Variants in AFF3 observed in about 807,000 individuals in gnomAD.
The protein encoded by AFF3 is AF4/FMR2 family member 3.
In AFF3, 32 loss-of-function variants were observed where a neutral mutation model predicts 129.7. The ratio of observed to expected loss-of-function variants is 0.25; its 90% CI spans 0.19 to 0.33. The LOEUF is 0.33. AFF3 is among the 10% of genes least tolerant of loss of function. The pLI is 1.00. For synonymous variants in AFF3, 644 were observed against 635.4 expected (o/e 1.01, Z -0.20); for missense variants, 1,373 against 1,592.0 (o/e 0.86, Z 2.34).
At chr2:99,986,943 T>A (rs1475472097) in intron 7 of AFF3, among the ~76,000 whole-genome samples, 4 of 152,142 alleles carry the variant, frequency 2.6e-5, no homozygotes, top group Non-Finnish European at 5.9e-5. Flanking sequence ...ATGAGGGTGG[T>A]GATAAAACAT....
At chr2:99,619,576 C>T (rs1472981728) in intron 13 of AFF3, among the ~76,000 whole-genome samples, 1 of 152,224 alleles carries the variant, frequency 6.6e-6, no homozygotes, top group Non-Finnish European at 1.5e-5. Context: ...AGTGAAAACA[C>T]AGTAAGAACA....
intron 4 of AFF3, among the ~76,000 whole-genome samples, chr2:100,021,259 C>T (rs1224373792): frequency 6.6e-6 from 1 of 152,224 alleles, no homozygotes; most frequent in Non-Finnish European, 1.5e-5. Flanking sequence ...CATCTAGTTT[C>T]TATCAAACTG....
rs182766766 is a variant in AFF3 at position 100,086,530 on chromosome 2, G to A, written c.53+17872C>T. On this transcript the variant is annotated intron_variant, in intron 4 of 24. Coordinates refer to ENST00000672756, the MANE Select transcript of AFF3 (RefSeq NM_001386135.1). Reference sequence around the variant, plus strand: ...GTGAGACTCCATCTCAAAAAAGAGAGAGAGAAAAGAAAAAAGAATTCCCAT... The same window carrying A: ...GTGAGACTCCATCTCAAAAAAGAGAAAGAGAAAAGAAAAAAGAATTCCCAT... Among the ~76,000 whole-genome samples the A allele has an allele frequency of 5.4e-3, 825 of 152,276 alleles. 1 individual carries two copies. The highest frequency in any genetic ancestry group is 0.01 in the Middle Eastern group (3 of 294).
intron 7 of AFF3, among the ~76,000 whole-genome samples, chr2:99,940,116 C>A (rs1011753391): frequency 3.3e-5 from 5 of 152,188 alleles, no homozygotes; most frequent in Admixed American, 2.6e-4. Flanking sequence ...AGTCAGGACA[C>A]CTGATGCTCC....
intron 4 of AFF3, among the ~76,000 whole-genome samples, chr2:100,032,272 A>C (rs1684556767): frequency 1.3e-5 from 2 of 152,102 alleles, no homozygotes; most frequent in Non-Finnish European, 2.9e-5. Context: ...CTAAAAATAC[A>C]AAACAAATTA....
intron 4 of AFF3, among the ~76,000 whole-genome samples, chr2:100,085,425 A>G (rs1433486735): frequency 2.0e-5 from 3 of 151,970 alleles, no homozygotes; most frequent in Non-Finnish European, 4.4e-5. Flanking sequence ...CCCTTTATGC[A>G]ACATCATTTC....
rs955585028 is a variant in AFF3, at chr2:99,996,538, T to C, written c.873+10094A>G. 5.0e-4 allele frequency among the ~76,000 whole-genome samples: 54 copies of C among 107,642 alleles called. 1 individual carries two copies. Among genetic ancestry groups the C allele is most frequent in the African/African-American group, 1.4e-3 (50 of 34,902 alleles). The allele number at this position is 107,642 out of a possible 152,430, so 70.6% of individuals were successfully genotyped here. On this transcript the variant is annotated intron_variant, in intron 7 of 24. Coordinates refer to ENST00000672756, the MANE Select transcript of AFF3 (RefSeq NM_001386135.1). The stretch of plus-strand genomic sequence containing the variant: ...ACCACGCCCGGCTAATTTTTTTTTT[T>C]TTTTTTTTTTTTTTTGTATTTTTAG...
chr2:100,133,058 G>A (rs1339176639), intron 1 of AFF3, among the ~76,000 whole-genome samples: 4 of 151,492 alleles, frequency 2.6e-5, no homozygotes, highest in Admixed American at 6.6e-5. Flanking sequence ...CCTCCCAACA[G>A]CTGGGATTAC....
At chr2:99,888,572 TG>T (rs1354210506) in intron 7 of AFF3, among the ~76,000 whole-genome samples, 1 of 152,242 alleles carries the variant, frequency 6.6e-6, no homozygotes, top group Non-Finnish European at 1.5e-5. Context: ...ATGCAGTTTT[TG>T]AAACTCACCA....
chr2:99,998,271 T>C (rs554123814), intron 7 of AFF3, among the ~76,000 whole-genome samples: 1 of 151,798 alleles, frequency 6.6e-6, no homozygotes, highest in African/African-American at 2.4e-5. Context: ...TATAGATGGG[T>C]TGATTTGTTC....
chr2:99,897,913 A>T (rs770896781), intron 7 of AFF3, among the ~76,000 whole-genome samples: 71 of 152,250 alleles, frequency 4.7e-4, no homozygotes, highest in Non-Finnish European at 3.1e-4. Flanking sequence ...GCAAAATTAT[A>T]ATCTGCCAGT....
At chr2:99,888,872 T>A (rs1015023402) in intron 7 of AFF3, among the ~76,000 whole-genome samples, 1 of 152,196 alleles carries the variant, frequency 6.6e-6, no homozygotes, top group African/African-American at 2.4e-5. Context: ...ACAGCACCAT[T>A]TTTTATCCTC....
Position 100,016,550 on chromosome 2 carries a change from G to A in AFF3, c.54-7618C>T, listed in dbSNP as rs369125249. ...TAGTGGTGGTGATGGTGGTAGCGAT[G>A]GTGATAGTATTGGTGGTGAACATGT... On this transcript the variant is annotated intron_variant, in intron 4 of 24. Coordinates refer to ENST00000672756, the MANE Select transcript of AFF3 (RefSeq NM_001386135.1). Among the ~76,000 whole-genome samples, 381 of 150,832 alleles carry A rather than the reference G, an allele frequency of 2.5e-3. 1 individual carries two copies. The highest frequency in any genetic ancestry group is 0.02 in the Middle Eastern group (6 of 294).
chr2:100,067,161 G>C (rs1293153219), intron 4 of AFF3, among the ~76,000 whole-genome samples: 1 of 143,294 alleles, frequency 7.0e-6, no homozygotes, highest in Non-Finnish European at 1.5e-5. Flanking sequence ...TTTAAGATCT[G>C]TTCATGCTTC....
intron 8 of AFF3, among the ~76,000 whole-genome samples, chr2:99,765,484 C>T (rs540299992): frequency 2.1e-4 from 32 of 152,288 alleles, no homozygotes; most frequent in Admixed American, 1.9e-3. Flanking sequence ...TTTGGCCTTG[C>T]CATAAACCAG....
intron 19 of AFF3, among the ~76,000 whole-genome samples, chr2:99,568,430 GA>G (rs1458958970): frequency 2.0e-5 from 3 of 152,320 alleles, no homozygotes; most frequent in South Asian, 4.1e-4. Flanking sequence ...CAGTTTCAGA[GA>G]AAGCATTCAT....
At chr2:99,805,155 A>G (rs530287092) in intron 8 of AFF3, among the ~76,000 whole-genome samples, 14 of 152,348 alleles carry the variant, frequency 9.2e-5, no homozygotes, top group Non-Finnish European at 1.8e-4. Flanking sequence ...TGACTAGTAC[A>G]AAAGTCATCA....
rs147275357 is a variant in AFF3 at position 99,682,973 on chromosome 2, T to C, written c.1092-10384A>G. ...CAGTTTTCTGTTATTCTTGCATTTATTGATTTCTTGAAATGACTTTCTGAA... is the reference window on the plus strand; with the variant it reads ...CAGTTTTCTGTTATTCTTGCATTTACTGATTTCTTGAAATGACTTTCTGAA... On this transcript the variant is annotated intron_variant, in intron 11 of 24. Coordinates refer to ENST00000672756, the MANE Select transcript of AFF3 (RefSeq NM_001386135.1). Among the ~76,000 whole-genome samples, 256 of 152,362 alleles carry C rather than the reference T, an allele frequency of 1.7e-3. 1 individual carries two copies. The highest frequency in any genetic ancestry group is 5.6e-3 in the African/African-American group (232 of 41,590).
chr2:99,690,154 CTTT>C (rs1195123002), intron 11 of AFF3, among the ~76,000 whole-genome samples: 1 of 116,658 alleles, frequency 8.6e-6, no homozygotes, highest in East Asian at 2.6e-4. Flanking sequence ...TAACCACAAT[CTTT>C]ATTATTATTA....
Sources: gnomAD v4.1 joint callset for allele counts (sites outside exome capture counted in the v4.1 genomes callset) on GRCh38, gnomAD v4.1.1 for gene constraint, MANE v1.5 for transcripts, NCBI Gene and HGNC (gene_info 2026-07-23, HGNC 2026-07-21) for gene names.